The following FOXP1 variants were observed in gnomAD, a reference collection of about 807,000 sequenced individuals.
The protein encoded by FOXP1 is forkhead box P1, also known as forkhead box protein P1.
A neutral mutation model predicts 98.2 loss-of-function variants in FOXP1; 15 were observed. The ratio of observed to expected loss-of-function variants is 0.15; its 90% confidence interval spans 0.10 to 0.24. The LOEUF is 0.24. FOXP1 is among the 10% of genes least tolerant of loss of function. FOXP1 has a pLI of 1.00. For missense variants in FOXP1, 633 were observed against 848.5 expected, an observed-to-expected ratio of 0.75 and a Z score of 3.15; for synonymous variants, 371 against 314.5, an observed-to-expected ratio of 1.18 and a Z score of -1.90.
intron 3 of FOXP1, among the ~76,000 whole-genome samples, chr3:71,399,215 T>G (rs1023959180): frequency 6.6e-6 from 1 of 152,062 alleles, no homozygotes; most frequent in Non-Finnish European, 1.5e-5. Flanking sequence ...TATACAGGTA[T>G]GTACATAGGT....
intron 5 of FOXP1, among the ~76,000 whole-genome samples, chr3:71,269,101 T>G (rs902591972): frequency 3.3e-5 from 5 of 149,884 alleles, no homozygotes; most frequent in African/African-American, 1.2e-4. Context: ...TTTTTTTGTT[T>G]TTTTTTTTTT....
At chr3:71,404,664 C>T (rs1290602674) in intron 3 of FOXP1, among the ~76,000 whole-genome samples, 1 of 151,770 alleles carries the variant, frequency 6.6e-6, no homozygotes, top group African/African-American at 2.4e-5. Context: ...TTGTTCCATA[C>T]AGCATTTCAC....
chr3:70,960,841 ATTT>A (rs549719513), intron 20 of FOXP1, among the ~76,000 whole-genome samples: 11 of 137,246 alleles, frequency 8.0e-5, no homozygotes, highest in Admixed American at 7.2e-5. Flanking sequence ...TAAAAAAATA[ATTT>A]TTTTTTTTTT....
chr3:71,071,508 C>T (rs1425097846), intron 7 of FOXP1, among the ~76,000 whole-genome samples: 5 of 152,180 alleles, frequency 3.3e-5, no homozygotes, highest in African/African-American at 4.8e-5. Flanking sequence ...GGGCAAGTCA[C>T]GTCACCTCTC....
At chr3:71,243,345 GCA>G (rs2067447844) in intron 5 of FOXP1, among the ~76,000 whole-genome samples, 1 of 152,152 alleles carries the variant, frequency 6.6e-6, no homozygotes, top group Admixed American at 6.5e-5. Context: ...TACAGTGCAT[GCA>G]CAGAGATGAT....
intron 6 of FOXP1, among the ~76,000 whole-genome samples, chr3:71,164,156 G>C (rs1403824074): frequency 6.6e-6 from 1 of 152,124 alleles, no homozygotes; most frequent in Non-Finnish European, 1.5e-5. Context: ...AATAAACATG[G>C]ATGCTACCTA....
chr3:71,466,091 AC>A (rs1346015299), intron 3 of FOXP1, among the ~76,000 whole-genome samples: 2 of 152,164 alleles, frequency 1.3e-5, no homozygotes, highest in African/African-American at 4.8e-5. Context: ...ATAAAACGAA[AC>A]ACTTATAAAG....
At chr3:71,175,399 C>G (rs892394562) in intron 6 of FOXP1, among the ~76,000 whole-genome samples, 1 of 152,252 alleles carries the variant, frequency 6.6e-6, no homozygotes. Context: ...TGGAGGCTCC[C>G]TGCCTCTCCA....
At chr3:71,393,470 A>G (rs1204020671) in intron 3 of FOXP1, among the ~76,000 whole-genome samples, 1 of 151,942 alleles carries the variant, frequency 6.6e-6, no homozygotes, top group Admixed American at 6.5e-5. Context: ...CTCTAATATC[A>G]TGTACATTTA....
chr3:71,519,567 T>C (rs940331276), intron 2 of FOXP1, among the ~76,000 whole-genome samples: 2 of 152,200 alleles, frequency 1.3e-5, no homozygotes, highest in Admixed American at 1.3e-4. Context: ...TTCCTGGGCA[T>C]TGTCTTCCCA....
At chr3:71,042,417 T>C (rs933068564) in intron 10 of FOXP1, among the ~76,000 whole-genome samples, 2 of 152,156 alleles carry the variant, frequency 1.3e-5, no homozygotes, top group African/African-American at 4.8e-5. Context: ...CCTGCTGGCA[T>C]GCCTCTGTAG....
intron 3 of FOXP1, among the ~76,000 whole-genome samples, chr3:71,434,099 C>T (rs57165130): frequency 0.019 from 2,863 of 152,204 alleles, 86 homozygotes; most frequent in African/African-American, 0.066. Flanking sequence ...GGTAAAGCCC[C>T]AACAGGAGAT....
Position 71,183,260 on chromosome 3 carries a change from G to A in FOXP1, c.180+14942C>T, listed in dbSNP as rs529473628. On this transcript the variant is annotated intron_variant, in intron 6 of 20. Transcript: ENST00000649528. ...TGTAATCCCAGCACTTTGGGAGGCC[G>A]AGGCGGGTGGATCATTTGAGGTCTG... is the stretch of plus-strand genomic sequence containing the variant. Among the ~76,000 whole-genome samples, 19 of 152,208 alleles carry A rather than the reference G, an allele frequency of 1.2e-4. No individual in the cohort carries two copies. In the East Asian group the frequency reaches 2.3e-3, roughly 19 times the overall value.
At chr3:71,449,513 C>T (rs1259603473) in intron 3 of FOXP1, among the ~76,000 whole-genome samples, 2 of 152,164 alleles carry the variant, frequency 1.3e-5, no homozygotes, top group Non-Finnish European at 2.9e-5. Flanking sequence ...CTGGGAGCAG[C>T]CCAGGCAAAG....
chr3:71,387,298 T>G (rs112980384), intron 3 of FOXP1, among the ~76,000 whole-genome samples: 1 of 152,228 alleles, frequency 6.6e-6, no homozygotes, highest in Admixed American at 6.5e-5. Context: ...TGGGGCATAG[T>G]GCATCTCTCA....
intron 3 of FOXP1, among the ~76,000 whole-genome samples, chr3:71,406,739 G>C (rs1235344685): frequency 2.0e-5 from 3 of 152,076 alleles, no homozygotes; most frequent in African/African-American, 7.2e-5. Flanking sequence ...AGAGCTCTTT[G>C]GGTTGTGTTA....
At chr3:71,465,903 C>G (rs2088668279) in intron 3 of FOXP1, among the ~76,000 whole-genome samples, 1 of 152,170 alleles carries the variant, frequency 6.6e-6, no homozygotes, top group Non-Finnish European at 1.5e-5. Context: ...TGTGAGGGAT[C>G]TAGGTTGTGC....
chr3:71,140,712 G>C (rs2107993597), intron 6 of FOXP1, among the ~76,000 whole-genome samples: 1 of 152,254 alleles, frequency 6.6e-6, no homozygotes, highest in Admixed American at 6.5e-5. Flanking sequence ...TTCTAAGTAG[G>C]TATCCAAATA....
intron 6 of FOXP1, among the ~76,000 whole-genome samples, chr3:71,172,350 TACA>T (rs536081359): frequency 9.8e-5 from 15 of 152,322 alleles, no homozygotes; most frequent in African/African-American, 3.1e-4. Flanking sequence ...CCTGCAGTCC[TACA>T]ACAACATGAA....
Sources: allele counts gnomAD v4.1 joint callset (sites outside exome capture counted in the v4.1 genomes callset), GRCh38; gene constraint gnomAD v4.1.1; transcripts MANE v1.5; gene names NCBI Gene and HGNC (gene_info 2026-07-23, HGNC 2026-07-21).